The following ANO3 variants were observed in gnomAD, a reference collection of about 807,000 sequenced individuals.
The protein encoded by ANO3 is anoctamin-3.
Under a neutral mutation model 144.8 loss-of-function variants are expected in ANO3, and 99 were observed. The observed-to-expected ratio is 0.68, with a 90% CI of 0.58 to 0.81. The LOEUF (loss-of-function observed/expected upper bound fraction) is 0.81, where lower values mean the gene tolerates loss of function less well. Ranked by LOEUF, ANO3 falls within the 30% of genes least tolerant of loss-of-function variation. The pLI, the probability that ANO3 is intolerant of heterozygous loss-of-function variation, is 0.00. For missense variants in ANO3, 905 were observed against 1,202.2 expected, an observed-to-expected ratio of 0.75 and a Z score of 3.66; for synonymous variants, 414 against 392.6, an observed-to-expected ratio of 1.05 and a Z score of -0.64.
intron 4 of ANO3, among the ~76,000 whole-genome samples, chr11:26,477,638 A>G (rs1165484625): frequency 6.6e-6 from 1 of 152,158 alleles, no homozygotes; most frequent in Non-Finnish European, 1.5e-5. Context: ...TTTTCTTTGT[A>G]ATTACCTTTG....
intron 17 of ANO3, among the ~76,000 whole-genome samples, chr11:26,620,086 C>T (rs1417119831): frequency 6.6e-6 from 1 of 152,162 alleles, no homozygotes; most frequent in Non-Finnish European, 1.5e-5. Flanking sequence ...ATTGCTCTTT[C>T]CTAGGCCTAC....
At chr11:26,205,250 T>A (rs1020536576) in intron 1 of ANO3, among the ~76,000 whole-genome samples, 1 of 152,170 alleles carries the variant, frequency 6.6e-6, no homozygotes, top group Non-Finnish European at 1.5e-5. Flanking sequence ...TGTTTGCAAC[T>A]TTGGGCATCT....
intron 14 of ANO3, chr11:26,565,807 G>T (rs1489867402): frequency 6.2e-7 from 1 of 1,613,192 alleles, no homozygotes; most frequent in Admixed American, 1.7e-5. Context: ...CTCCCCGATA[G>T]AAGTGAATAA....
chr11:26,455,504 C>T (rs1211173170), intron 3 of ANO3, among the ~76,000 whole-genome samples: 1 of 152,166 alleles, frequency 6.6e-6, no homozygotes, highest in Non-Finnish European at 1.5e-5. Context: ...ACCTAGGAAT[C>T]CACCTTACAA....
At chr11:26,320,337 A>G (rs1854728580) in intron 1 of ANO3, among the ~76,000 whole-genome samples, 1 of 152,308 alleles carries the variant, frequency 6.6e-6, no homozygotes, top group East Asian at 1.9e-4. Context: ...ATTAGCTTTA[A>G]CCTGAAACCA....
At chr11:26,602,589 T>TC (rs1851829983) in intron 17 of ANO3, among the ~76,000 whole-genome samples, 1 of 2,164 alleles carries the variant, frequency 4.6e-4, no homozygotes, top group Admixed American at 2.0e-3. Flanking sequence ...TTTTCTTTTC[T>TC]TTTTTTTTTT....
intron 1 of ANO3, among the ~76,000 whole-genome samples, chr11:26,364,686 C>T (rs1399544349): frequency 6.6e-6 from 1 of 152,158 alleles, no homozygotes; most frequent in Non-Finnish European, 1.5e-5. Context: ...AAAACTCACT[C>T]ACATCATGAA....
chr11:26,317,706 C>T (rs1418628179), intron 1 of ANO3, among the ~76,000 whole-genome samples: 1 of 152,120 alleles, frequency 6.6e-6, no homozygotes, highest in Non-Finnish European at 1.5e-5. Context: ...GTGGAGATTC[C>T]TCAAGGATCT....
intron 17 of ANO3, among the ~76,000 whole-genome samples, chr11:26,619,182 G>A (rs994052611): frequency 3.3e-5 from 5 of 151,986 alleles, no homozygotes; most frequent in Non-Finnish European, 4.4e-5. Context: ...ATTATTTTTT[G>A]TTATTGGAAT....
Position 26,332,156 on chromosome 11 carries a change from G to C in ANO3, c.-120G>C, listed in dbSNP as rs1376869880. 6.3e-7 allele frequency: 1 copy of C among 1,582,300 alleles called. No homozygotes were observed. Among genetic ancestry groups the C allele is most frequent in the Non-Finnish European group, 8.6e-7 (1 of 1,165,240 alleles). On this transcript the variant is annotated 5_prime_UTR_variant, in exon 1 of 27. Coordinates refer to ENST00000256737, the MANE Select transcript of ANO3 (RefSeq NM_031418.4). ...GAGAGCGAAGTGCCGGCTACAGCAG[G>C]TGTCGGATTGCAGTGCGCTCGCTGA...
intron 1 of ANO3, among the ~76,000 whole-genome samples, chr11:26,433,039 A>T (rs547248021): frequency 6.6e-5 from 10 of 152,002 alleles, no homozygotes; most frequent in Non-Finnish European, 1.0e-4. Flanking sequence ...CTGAGCATGG[A>T]ATGTTCTTGC....
intron 18 of ANO3, among the ~76,000 whole-genome samples, chr11:26,624,771 G>A (rs1852526258): frequency 1.3e-5 from 2 of 151,914 alleles, no homozygotes; most frequent in African/African-American, 2.4e-5. Context: ...AGTTCTTTGG[G>A]TTTTTCCTCA....
intron 1 of ANO3, among the ~76,000 whole-genome samples, chr11:26,276,612 G>A (rs1853565675): frequency 6.6e-6 from 1 of 152,120 alleles, no homozygotes; most frequent in Admixed American, 6.6e-5. Flanking sequence ...ATGATTCTCA[G>A]TTAAAACAGC....
chr11:26,453,252 A>G (rs1455423400), intron 3 of ANO3, among the ~76,000 whole-genome samples: 2 of 151,970 alleles, frequency 1.3e-5, no homozygotes, highest in African/African-American at 2.4e-5. Context: ...ATGTAAATGG[A>G]CTAAATGCTC....
chr11:26,190,951 G>C (rs928786901), intron 1 of ANO3, among the ~76,000 whole-genome samples: 1 of 152,074 alleles, frequency 6.6e-6, no homozygotes, highest in African/African-American at 2.4e-5. Flanking sequence ...TCGCATTTAT[G>C]TGTTTATTTG....
intron 4 of ANO3, among the ~76,000 whole-genome samples, chr11:26,501,139 C>T (rs1375472561): frequency 2.0e-5 from 3 of 152,204 alleles, no homozygotes; most frequent in African/African-American, 4.8e-5. Context: ...AACACAGATA[C>T]TTGGCCTTAT....
chr11:26,309,123 C>A (rs1854450568), upstream of ANO3, among the ~76,000 whole-genome samples: 3 of 152,066 alleles, frequency 2.0e-5, no homozygotes, highest in Admixed American at 1.3e-4. Flanking sequence ...AAAAAGTTGT[C>A]TTTCTAAGAG....
chr11:26,403,344 T>C (rs886510288), intron 1 of ANO3, among the ~76,000 whole-genome samples: 4 of 151,942 alleles, frequency 2.6e-5, no homozygotes, highest in African/African-American at 9.7e-5. Flanking sequence ...AATTCATTAT[T>C]TCACTAGGAT....
At chr11:26,456,899 A>G (rs10834980) in intron 3 of ANO3, among the ~76,000 whole-genome samples, 9 of 143,136 alleles carry the variant, frequency 6.3e-5, no homozygotes, top group East Asian at 2.1e-4. Context: ...GCAGCCATAA[A>G]AAATGATGAG....
Sources: allele counts gnomAD v4.1 joint callset (sites outside exome capture counted in the v4.1 genomes callset), GRCh38; gene constraint gnomAD v4.1.1; transcripts MANE v1.5; gene names NCBI Gene and HGNC (gene_info 2026-07-23, HGNC 2026-07-21).